FAM76B: variants seen among roughly 807,000 people sequenced by gnomAD.
The protein encoded by FAM76B is family with sequence similarity 76 member B, also known as protein FAM76B.
A neutral mutation model predicts 51.8 loss-of-function variants in FAM76B; 16 were observed. The ratio of observed to expected loss-of-function variants is 0.31; its 90% CI spans 0.21 to 0.47. The LOEUF is 0.47. Ranked by LOEUF, FAM76B falls within the 20% of genes least tolerant of loss-of-function variation. FAM76B has a pLI of 1.00. For synonymous variants in FAM76B, 166 were observed against 129.5 expected, an observed-to-expected ratio of 1.28 and a Z score of -1.91; for missense variants, 342 against 392.6, an observed-to-expected ratio of 0.87 and a Z score of 1.09.
chr11:95,778,232 T>C (rs539648913), intron 8 of FAM76B, among the ~76,000 whole-genome samples: 1 of 151,670 alleles, frequency 6.6e-6, no homozygotes, highest in Admixed American at 6.6e-5. Flanking sequence ...CCTTCTGTAA[T>C]TCTGTTAATA....
chr11:95,780,047 T>C (rs1263517685), intron 5 of FAM76B, 121 bp from the exon 6 acceptor site: 1 of 908,108 alleles, frequency 1.1e-6, no homozygotes, highest in African/African-American at 1.7e-5. Flanking sequence ...GAGAAAGGTA[T>C]ATTTAAGTTT....
chr11:95,786,331 A>ATATATG, intron 3 of FAM76B, 57 bp from the exon 4 acceptor site: 1 of 1,572,920 alleles, frequency 6.4e-7, no homozygotes, highest in African/African-American at 1.4e-5. Flanking sequence ...GCGGCATAGC[A>ATATATG]TATACCCAGT....
Position 95,786,176 on chromosome 11 carries a change from G to A in FAM76B, c.306C>T (p.Thr102=), listed in dbSNP as rs755597021. The A allele has an allele frequency of 8.7e-6, 14 of 1,614,116 alleles. No homozygotes were observed. In the East Asian group the frequency reaches 1.3e-4, roughly 15 times the overall value. Residue 102 remains threonine, a synonymous_variant, in exon 4 of 10, where the codon ACC becomes ACT. Coordinates refer to ENST00000358780, the MANE Select transcript of FAM76B (RefSeq NM_144664.5). ...CACATTGCTGTTTGCACTGTTCACAGGTCTGAGGTGGTCCATACTTTTTTT... is the reference window on the plus strand; with the variant it reads ...CACATTGCTGTTTGCACTGTTCACAAGTCTGAGGTGGTCCATACTTTTTTT... ...NSEKKYGPPQ[T]CEQCKQQCAF...
intron 5 of FAM76B, among the ~76,000 whole-genome samples, chr11:95,780,184 T>C (rs528976281): frequency 6.6e-6 from 1 of 152,012 alleles, no homozygotes; most frequent in East Asian, 1.9e-4. Flanking sequence ...TTCAATTTAA[T>C]ATCATACAAA....
chr11:95,781,109 T>C (rs1444707972), intron 5 of FAM76B, among the ~76,000 whole-genome samples: 2 of 151,724 alleles, frequency 1.3e-5, no homozygotes, highest in Admixed American at 1.3e-4. Flanking sequence ...AATTTCATTA[T>C]AAGCCTAACA....
At chr11:95,784,802 T>C (rs2120281405) in intron 4 of FAM76B, among the ~76,000 whole-genome samples, 1 of 152,184 alleles carries the variant, frequency 6.6e-6, no homozygotes. Context: ...TTAGCCAGGA[T>C]GGTCTCGATC....
chr11:95,789,282 C>T, intron 1 of FAM76B, 110 bp downstream of exon 1: 1 of 1,270,522 alleles, frequency 7.9e-7, no homozygotes, highest in South Asian at 1.3e-5. Context: ...GCTCCAGACT[C>T]CCAAACCCCT....
rs2120263930 is a variant in FAM76B at position 95,783,146 on chromosome 11, A to T, written c.482T>A (p.Leu161His). ...SSHSNSSSSS[L>H]TEKDQHHPKH... The stretch of plus-strand genomic sequence containing the variant: ...TGGATGATGCTGGTCTTTCTCAGTA[A>T]GAGATGAAGAAGATGAATTTGAATG... Residue 161 changes from leucine to histidine, a missense_variant, in exon 5 of 10, where the codon CTT (leucine) becomes CAT (histidine). Leu to His is a moderately conservative substitution (Grantham distance 99, BLOSUM62 -3). Coordinates refer to ENST00000358780, the MANE Select transcript of FAM76B (RefSeq NM_144664.5). The T allele has an allele frequency of 6.2e-7, 1 of 1,613,178 alleles. No individual in the cohort carries two copies. The highest frequency in any genetic ancestry group is 8.5e-7 in the Non-Finnish European group (1 of 1,179,334).
chr11:95,785,927 A>T (rs933194328), intron 4 of FAM76B, among the ~76,000 whole-genome samples, 192 bp downstream of exon 4: 5 of 152,228 alleles, frequency 3.3e-5, no homozygotes, highest in African/African-American at 1.2e-4. Context: ...AATATTTTTT[A>T]AAGTATAGTA....
chr11:95,789,432 T>C lies in FAM76B; in HGVS notation c.47A>G (p.Tyr16Cys). ...GCCCTGGGAGAGCTCCTCGAAAGGATAACGCTGGGTACACTTGGTGCAGGC... is the reference window on the plus strand; with the variant it reads ...GCCCTGGGAGAGCTCCTCGAAAGGACAACGCTGGGTACACTTGGTGCAGGC... Reference protein sequence around the residue: ...LYACTKCTQRYPFEELSQGQQ... With the variant: ...LYACTKCTQRCPFEELSQGQQ... Residue 16 changes from tyrosine to cysteine, a missense_variant, in exon 1 of 10, where the codon TAT (tyrosine) becomes TGT (cysteine). Tyr to Cys is a radical substitution (Grantham distance 194). This residue lies in a region of FAM76B where 96 missense variants were observed against 94.7 expected (regional missense o/e 1.01). Transcript: ENST00000358780. 1 of 1,609,726 alleles carries C rather than the reference T, an allele frequency of 6.2e-7. No homozygotes were observed. Among genetic ancestry groups the C allele is most frequent in the Non-Finnish European group, 8.5e-7 (1 of 1,178,220 alleles).
At chr11:95,776,066 TAC>T (rs761589418) in intron 8 of FAM76B, 43 bp from the exon 9 acceptor site, 415 of 1,018,792 alleles carry the variant, frequency 4.1e-4, no homozygotes, top group South Asian at 5.6e-4. Context: ...TTTGCACACA[TAC>T]ACACACACAC....
chr11:95,774,862 G>A (rs1859924919), intron 9 of FAM76B, among the ~76,000 whole-genome samples: 1 of 151,184 alleles, frequency 6.6e-6, no homozygotes, highest in Non-Finnish European at 1.5e-5. Flanking sequence ...GTAATAGTAT[G>A]ATAGGGATTA....
chr11:95,780,366 T>C (rs1485463662), intron 5 of FAM76B, among the ~76,000 whole-genome samples: 3 of 152,060 alleles, frequency 2.0e-5, no homozygotes, highest in African/African-American at 7.2e-5. Flanking sequence ...AGTATTTCAA[T>C]TTAAATGGGG....
At chr11:95,780,783 A>C (rs1860225189) in intron 5 of FAM76B, among the ~76,000 whole-genome samples, 1 of 152,002 alleles carries the variant, frequency 6.6e-6, no homozygotes, top group Non-Finnish European at 1.5e-5. Flanking sequence ...GTTCCCTCAT[A>C]TGTAATACAT....
chr11:95,780,240 T>C (rs1362562199), intron 5 of FAM76B, among the ~76,000 whole-genome samples: 2 of 151,952 alleles, frequency 1.3e-5, no homozygotes, highest in Non-Finnish European at 2.9e-5. Flanking sequence ...TAGGTATCAC[T>C]GTACTTTGGC....
chr11:95,788,737 T>C, intron 1 of FAM76B, 174 bp from the exon 2 acceptor site: 1 of 1,296,148 alleles, frequency 7.7e-7, no homozygotes, highest in Non-Finnish European at 1.0e-6. Context: ...TATAATTCCT[T>C]AGGGAAGGCA....
chr11:95,770,105 G>A lies in FAM76B; in HGVS notation c.*1456C>T, dbSNP rs1388202468. On this transcript the variant is annotated 3_prime_UTR_variant, in exon 10 of 10. Transcript: ENST00000358780. ...TTTATCTTTGCCCATAAATTATTAA[G>A]AGAAGCAACTCACTCTATACAGTGT... 6.6e-6 allele frequency: 1 copy of A among 151,448 alleles called. No individual in the cohort carries two copies. Among genetic ancestry groups the A allele is most frequent in the Non-Finnish European group, 1.5e-5 (1 of 67,542 alleles). The allele number at this position is 151,448 out of a possible 1,614,324, so 9.4% of individuals were successfully genotyped here.
intron 1 of FAM76B, chr11:95,788,902 G>C (rs747380506): frequency 7.4e-7 from 1 of 1,358,126 alleles, no homozygotes; most frequent in South Asian, 1.2e-5. Flanking sequence ...GATGGGAGGA[G>C]CTCCAAATCA....
intron 4 of FAM76B, among the ~76,000 whole-genome samples, 173 bp downstream of exon 4, chr11:95,785,946 T>C (rs1244635158): frequency 2.6e-5 from 4 of 152,232 alleles, no homozygotes; most frequent in Admixed American, 1.3e-4. Context: ...TACATGAATC[T>C]ATGTATCATG....
Sources: allele counts gnomAD v4.1 joint callset (sites outside exome capture counted in the v4.1 genomes callset), GRCh38; gene constraint gnomAD v4.1.1; regional missense constraint gnomAD v4.1.1; transcripts MANE v1.5; gene names NCBI Gene and HGNC (gene_info 2026-07-23, HGNC 2026-07-21).